LRRC7: variants seen among roughly 807,000 people sequenced by gnomAD.
LRRC7 encodes leucine rich repeat containing 7.
A neutral mutation model predicts 175.7 loss-of-function variants in LRRC7; 23 were observed. The ratio of observed to expected loss-of-function variants is 0.13; its 90% CI spans 0.09 to 0.19. LRRC7 has a LOEUF of 0.19. Ranked by LOEUF, LRRC7 falls within the 10% of genes least tolerant of loss-of-function variation. The probability of loss-of-function intolerance (pLI) is 1.00; values close to 1 mark genes in which losing one functional copy is unlikely to be tolerated. For synonymous variants in LRRC7, 685 were observed against 680.9 expected (o/e 1.01, Z -0.09); for missense variants, 1,354 against 1,904.7 (o/e 0.71, Z 5.38).
chr1:69,747,542 C>G (rs1329120677), intron 2 of LRRC7, among the ~76,000 whole-genome samples: 1 of 152,150 alleles, frequency 6.6e-6, no homozygotes, highest in Non-Finnish European at 1.5e-5. Flanking sequence ...TGATTAAATT[C>G]TGTCCACCAG....
intron 4 of LRRC7, among the ~76,000 whole-genome samples, chr1:69,807,809 T>C (rs1048409853): frequency 6.6e-6 from 1 of 151,960 alleles, no homozygotes; most frequent in African/African-American, 2.4e-5. Flanking sequence ...ATCTTTGTGG[T>C]GTTCTCTGTA....
At chr1:69,802,488 A>G (rs770976547) in intron 4 of LRRC7, among the ~76,000 whole-genome samples, 7 of 150,906 alleles carry the variant, frequency 4.6e-5, no homozygotes, top group Non-Finnish European at 1.0e-4. Flanking sequence ...TTTTGTTTTC[A>G]CTGTTTTTGA....
intron 1 of LRRC7, among the ~76,000 whole-genome samples, chr1:69,627,850 T>A (rs1401148830): frequency 1.5e-5 from 2 of 133,390 alleles, no homozygotes; most frequent in African/African-American, 5.2e-5. Context: ...GAATATAATT[T>A]GGTATATAAT....
chr1:69,763,994 G>A (rs1196371297), intron 3 of LRRC7, among the ~76,000 whole-genome samples: 1 of 151,820 alleles, frequency 6.6e-6, no homozygotes, highest in African/African-American at 2.4e-5. Context: ...TAATACAATG[G>A]GTAGAGAACA....
chr1:69,955,318 A>G (rs894504323), intron 8 of LRRC7, among the ~76,000 whole-genome samples: 3 of 152,078 alleles, frequency 2.0e-5, no homozygotes, highest in African/African-American at 4.8e-5. Context: ...AGGAGCCTCT[A>G]TCAGATTTGG....
chr1:69,687,769 A>C (rs908293441), intron 2 of LRRC7, among the ~76,000 whole-genome samples: 2 of 152,074 alleles, frequency 1.3e-5, no homozygotes, highest in African/African-American at 4.8e-5. Flanking sequence ...TAACACTTAA[A>C]ATTATTTTGT....
intron 7 of LRRC7, among the ~76,000 whole-genome samples, chr1:69,903,429 G>C (rs912875505): frequency 2.6e-5 from 4 of 152,148 alleles, no homozygotes; most frequent in African/African-American, 7.2e-5. Context: ...TGCCGTGAGG[G>C]ACGGTGCACT....
intron 1 of LRRC7, among the ~76,000 whole-genome samples, chr1:69,657,036 C>A (rs1015247725): frequency 6.6e-6 from 1 of 151,534 alleles, no homozygotes; most frequent in Admixed American, 6.6e-5. Context: ...TAATGAGAAG[C>A]AAAACATTAT....
chr1:69,938,701 T>A (rs1004622021), intron 8 of LRRC7, among the ~76,000 whole-genome samples: 25 of 151,922 alleles, frequency 1.6e-4, no homozygotes, highest in Admixed American at 2.0e-4. Context: ...ACCTCCCTAG[T>A]TCACCAAAGG....
At chr1:69,828,657 G>A (rs1267394133) in intron 5 of LRRC7, among the ~76,000 whole-genome samples, 1 of 151,974 alleles carries the variant, frequency 6.6e-6, no homozygotes, top group Admixed American at 6.6e-5. Context: ...TGATAATCAT[G>A]GTTGTGCTAA....
chr1:70,089,214 G>C (rs1451119757), intron 24 of LRRC7, among the ~76,000 whole-genome samples: 1 of 151,960 alleles, frequency 6.6e-6, no homozygotes, highest in African/African-American at 2.4e-5. Flanking sequence ...CAAACTAAAA[G>C]ATCTAATATT....
chr1:69,810,748 C>T (rs1341235008), intron 4 of LRRC7, among the ~76,000 whole-genome samples: 2 of 152,118 alleles, frequency 1.3e-5, no homozygotes, highest in African/African-American at 2.4e-5. Flanking sequence ...GGATCCTTTC[C>T]TTGCACCTTA....
In LRRC7 at chr1:69,718,181, A is replaced by AAAGAAAGAAAG. The variant is rs1491074856; in HGVS notation, c.100+39705_100+39706insGAAAGAAAGAA. On this transcript the variant is annotated intron_variant, in intron 2 of 26. Coordinates refer to ENST00000651989, the MANE Select transcript of LRRC7 (RefSeq NM_001370785.2). ...GAAAGAAAGAAAGAAAGAAGAAAAG[A>AAAGAAAGAAAG]AAAGAAAGAGAGAGAGAAAGAAACA... Among the ~76,000 whole-genome samples the AAAGAAAGAAAG allele has an allele frequency of 2.4e-4, 24 of 98,412 alleles. 1 individual carries two copies. Among genetic ancestry groups the AAAGAAAGAAAG allele is most frequent in the East Asian group, 2.3e-3 (7 of 3,006 alleles). The allele number at this position is 98,412 out of a possible 152,430, so 64.6% of individuals were successfully genotyped here.
intron 11 of LRRC7, among the ~76,000 whole-genome samples, chr1:70,001,445 T>C (rs1255586642): frequency 1.3e-5 from 2 of 152,240 alleles, no homozygotes; most frequent in South Asian, 4.1e-4. Context: ...ATTCTCATTT[T>C]AGTTTTAATG....
intron 1 of LRRC7, among the ~76,000 whole-genome samples, chr1:69,594,244 C>T (rs1478260921): frequency 6.6e-6 from 1 of 152,148 alleles, no homozygotes; most frequent in Non-Finnish European, 1.5e-5. Context: ...GTGTACGCCG[C>T]TCTTTATCCC....
chr1:69,786,550 AAG>A (rs1674454602), intron 3 of LRRC7, among the ~76,000 whole-genome samples: 1 of 152,112 alleles, frequency 6.6e-6, no homozygotes, highest in Non-Finnish European at 1.5e-5. Context: ...TTACAAAAGA[AAG>A]AGGTTTGTTG....
At chr1:70,014,274 A>G (rs1051698369) in intron 13 of LRRC7, 1 of 152,046 alleles carries the variant, frequency 6.6e-6, no homozygotes, top group African/African-American at 2.4e-5. Flanking sequence ...TAATTCATTC[A>G]TCGTATGCAA....
intron 1 of LRRC7, among the ~76,000 whole-genome samples, chr1:69,574,119 G>A (rs1204241818): frequency 6.6e-6 from 1 of 151,962 alleles, no homozygotes; most frequent in Non-Finnish European, 1.5e-5. Context: ...TGGCGGGGTG[G>A]GTCAGATGAG....
chr1:70,089,589 T>G, intron 24 of LRRC7, 138 bp from the exon 25 acceptor site: 1 of 548,602 alleles, frequency 1.8e-6, no homozygotes, highest in East Asian at 3.4e-5. Context: ...GTTTATATTG[T>G]CTTTTGTGTA....
Sources: allele counts gnomAD v4.1 joint callset (sites outside exome capture counted in the v4.1 genomes callset), GRCh38; gene constraint gnomAD v4.1.1; transcripts MANE v1.5; gene names NCBI Gene and HGNC (gene_info 2026-07-23, HGNC 2026-07-21).